Variants in STPG2 observed in about 807,000 individuals in gnomAD.
The protein encoded by STPG2 is sperm-tail PG-rich repeat-containing protein 2.
A neutral mutation model predicts 54.2 loss-of-function variants in STPG2; 56 were observed. The ratio of observed to expected loss-of-function variants is 1.03; its 90% CI spans 0.83 to 1.29. The LOEUF is 1.29. STPG2 is among the 50% of genes most tolerant of loss of function. The probability of loss-of-function intolerance (pLI) is 0.00; values close to 1 mark genes in which losing one functional copy is unlikely to be tolerated. For missense variants in STPG2, 596 were observed against 544.9 expected (o/e 1.09, Z -0.93); for synonymous variants, 200 against 181.8 (o/e 1.10, Z -0.81).
chr4:97,749,821 C>A (rs559029647), intron 9 of STPG2, among the ~76,000 whole-genome samples: 14 of 151,814 alleles, frequency 9.2e-5, no homozygotes, highest in Middle Eastern at 3.4e-3. Flanking sequence ...GATGTTTGTT[C>A]TCTCTGCAGA....
At chr4:97,945,002 T>C (rs1733147749) in intron 7 of STPG2, among the ~76,000 whole-genome samples, 1 of 152,190 alleles carries the variant, frequency 6.6e-6, no homozygotes, top group Non-Finnish European at 1.5e-5. Context: ...AAGCCAGCAT[T>C]ATTATTTTTG....
chr4:98,142,673 G>A (rs1740331781), intron 1 of STPG2, among the ~76,000 whole-genome samples: 1 of 152,136 alleles, frequency 6.6e-6, no homozygotes, highest in African/African-American at 2.4e-5. Context: ...TGTGAGGCAG[G>A]CAGGATTACA....
chr4:97,874,593 T>C (rs956971153), intron 8 of STPG2, among the ~76,000 whole-genome samples: 1 of 151,802 alleles, frequency 6.6e-6, no homozygotes, highest in Non-Finnish European at 1.5e-5. Flanking sequence ...TTCTAGAGTT[T>C]TATAAAAACA....
At chr4:97,473,697 T>C (rs1578326165) in intron 4 of STPG2, among the ~76,000 whole-genome samples, 2 of 152,126 alleles carry the variant, frequency 1.3e-5, no homozygotes, top group African/African-American at 4.8e-5. Flanking sequence ...CTCCCTCCCC[T>C]TTTGAAAATC....
intron 4 of STPG2, among the ~76,000 whole-genome samples, chr4:97,450,966 C>A (rs559891523): frequency 6.6e-6 from 1 of 152,068 alleles, no homozygotes; most frequent in Non-Finnish European, 1.5e-5. Flanking sequence ...ATAAGAATTA[C>A]TAATCAAGAT....
intron 9 of STPG2, among the ~76,000 whole-genome samples, chr4:97,780,557 A>C (rs1160268132): frequency 1.8e-5 from 2 of 108,338 alleles, no homozygotes; most frequent in Non-Finnish European, 3.7e-5. Context: ...CCAGGAATTG[A>C]ACTCAGCTCT....
chr4:97,464,898 A>G (rs1729752305), intron 4 of STPG2, among the ~76,000 whole-genome samples: 1 of 152,170 alleles, frequency 6.6e-6, no homozygotes, highest in African/African-American at 2.4e-5. Flanking sequence ...AAAAAAAGTC[A>G]TGATTTTTTT....
At chr4:97,592,590 G>A (rs1046399977) in intron 10 of STPG2, among the ~76,000 whole-genome samples, 1 of 152,058 alleles carries the variant, frequency 6.6e-6, no homozygotes, top group Admixed American at 6.5e-5. Flanking sequence ...TAAGAGACCT[G>A]AACATCAGGA....
At chr4:97,781,404 A>T (rs1726607794) in intron 9 of STPG2, among the ~76,000 whole-genome samples, 1 of 152,188 alleles carries the variant, frequency 6.6e-6, no homozygotes, top group Non-Finnish European at 1.5e-5. Context: ...CCCTTAATAG[A>T]CCAATAACAG....
intron 10 of STPG2, among the ~76,000 whole-genome samples, chr4:97,633,033 C>A (rs1025405521): frequency 2.0e-5 from 3 of 151,840 alleles, no homozygotes; most frequent in Non-Finnish European, 4.4e-5. Context: ...GATATTTCTC[C>A]CAAATATATA....
intron 8 of STPG2, among the ~76,000 whole-genome samples, chr4:97,852,480 T>C (rs1014948710): frequency 1.3e-5 from 2 of 152,162 alleles, no homozygotes; most frequent in Non-Finnish European, 2.9e-5. Flanking sequence ...GGAAGGACAC[T>C]GTGCACAAGG....
In STPG2 at chr4:97,991,299, C is replaced by T. The variant is rs186707671; in HGVS notation, c.613-9981G>A. Among the ~76,000 whole-genome samples, 293 of 150,836 alleles carry T rather than the reference C, an allele frequency of 1.9e-3. 3 individuals are homozygous for T. The highest frequency in any genetic ancestry group is 5.6e-3 in the African/African-American group (229 of 41,040). On this transcript the variant is annotated intron_variant, in intron 5 of 10. Transcript: ENST00000295268. ...ATACACACACATATATACATATATA[C>T]GCACACACACACATATATATACACA...
At chr4:98,058,945 T>A in intron 5 of STPG2, among the ~76,000 whole-genome samples, 1 of 145,488 alleles carries the variant, frequency 6.9e-6, no homozygotes. Flanking sequence ...AATTAGAAAA[T>A]GCAAGATCAA....
intron 4 of STPG2, among the ~76,000 whole-genome samples, chr4:97,490,773 A>T (rs150076666): frequency 6.6e-6 from 1 of 151,580 alleles, no homozygotes; most frequent in Non-Finnish European, 1.5e-5. Flanking sequence ...ACTTCTAAAC[A>T]TCTCTCCTTC....
chr4:97,951,591 T>A (rs967456928), intron 7 of STPG2, among the ~76,000 whole-genome samples: 1 of 152,064 alleles, frequency 6.6e-6, no homozygotes, highest in Non-Finnish European at 1.5e-5. Context: ...GTGAAGACCC[T>A]GTGTGAGAGC....
At chr4:97,811,038 T>C (rs1727721135) in intron 9 of STPG2, among the ~76,000 whole-genome samples, 1 of 152,122 alleles carries the variant, frequency 6.6e-6, no homozygotes, top group Non-Finnish European at 1.5e-5. Flanking sequence ...TTTTTTGTTT[T>C]GGTTCATCTG....
chr4:97,898,417 C>T (rs13136069), intron 8 of STPG2, among the ~76,000 whole-genome samples: 37,253 of 151,564 alleles, frequency 0.25, 5,332 homozygotes, highest in Middle Eastern at 0.36. Flanking sequence ...CTCAAAAATC[C>T]TTCACTTCAT....
intron 10 of STPG2, among the ~76,000 whole-genome samples, chr4:97,683,231 G>A (rs1723084573): frequency 6.6e-6 from 1 of 151,714 alleles, no homozygotes; most frequent in South Asian, 2.1e-4. Flanking sequence ...TCTAAATGAT[G>A]CATACATAGA....
intron 8 of STPG2, among the ~76,000 whole-genome samples, chr4:97,875,601 T>C (rs951584973): frequency 6.6e-6 from 1 of 152,044 alleles, no homozygotes; most frequent in African/African-American, 2.4e-5. Context: ...AAAATTATAG[T>C]TATCCTTATA....
Sources: gnomAD v4.1 joint callset for allele counts (sites outside exome capture counted in the v4.1 genomes callset) on GRCh38, gnomAD v4.1.1 for gene constraint, MANE v1.5 for transcripts, NCBI Gene and HGNC (gene_info 2026-07-23, HGNC 2026-07-21) for gene names.